Variants in NKAIN3 observed in about 807,000 individuals in gnomAD.
NKAIN3 encodes sodium/potassium-transporting ATPase subunit beta-1-interacting protein 3.
NKAIN3 carries 25 observed loss-of-function variants against 30.2 expected under a neutral mutation model. That is an observed-to-expected ratio of 0.83 (90% CI 0.60 to 1.16). The LOEUF (loss-of-function observed/expected upper bound fraction) is 1.16. Ranked by LOEUF, NKAIN3 falls within the 50% of genes most tolerant of loss-of-function variation. The pLI, the probability that NKAIN3 is intolerant of heterozygous loss-of-function variation, is 0.00. For missense variants in NKAIN3, 225 were observed against 254.1 expected (o/e 0.89, Z 0.78); for synonymous variants, 91 against 89.6 (o/e 1.02, Z -0.09).
chr8:62,323,671 C>T (rs1032178661), intron 1 of NKAIN3, among the ~76,000 whole-genome samples: 3 of 152,096 alleles, frequency 2.0e-5, no homozygotes, highest in Non-Finnish European at 4.4e-5. Flanking sequence ...TTTGTCAATG[C>T]TTGACACAAG....
chr8:62,846,258 T>C (rs1440209216), intron 4 of NKAIN3, among the ~76,000 whole-genome samples: 1 of 152,202 alleles, frequency 6.6e-6, no homozygotes, highest in African/African-American at 2.4e-5. Flanking sequence ...TTTTCAAAGT[T>C]AAAAGAAAGT....
chr8:62,568,227 T>G (rs566152173), intron 1 of NKAIN3, among the ~76,000 whole-genome samples: 1 of 152,302 alleles, frequency 6.6e-6, no homozygotes, highest in Non-Finnish European at 1.5e-5. Context: ...GCATTTTGAC[T>G]GCATGATTTC....
chr8:62,875,661 A>C (rs2130806845), intron 4 of NKAIN3, among the ~76,000 whole-genome samples: 1 of 152,272 alleles, frequency 6.6e-6, no homozygotes, highest in South Asian at 2.1e-4. Context: ...AGACCTCAGA[A>C]ATAACAACAC....
chr8:62,922,746 T>TA (rs1491328907), intron 5 of NKAIN3, among the ~76,000 whole-genome samples: 1,370 of 126,454 alleles, frequency 0.011, 26 homozygotes, highest in African/African-American at 0.054. Flanking sequence ...AGTGCATATA[T>TA]TTTTTTTTTT....
intron 1 of NKAIN3, 42 bp from the exon 2 acceptor site, chr8:62,579,497 T>A (rs1041155145): frequency 6.6e-7 from 1 of 1,522,168 alleles, no homozygotes; most frequent in Admixed American, 2.0e-5. Context: ...AGTATGATGA[T>A]GCTTGGATTC....
At chr8:62,714,876 C>T (rs1222481350) in intron 3 of NKAIN3, among the ~76,000 whole-genome samples, 1 of 152,160 alleles carries the variant, frequency 6.6e-6, no homozygotes, top group Non-Finnish European at 1.5e-5. Context: ...CACAAAATGC[C>T]TCCAACATTA....
At chr8:62,520,208 A>G (rs139932703) in intron 1 of NKAIN3, among the ~76,000 whole-genome samples, 2,600 of 152,184 alleles carry the variant, frequency 0.017, 67 homozygotes, top group African/African-American at 0.059. Context: ...GTGGTGCACT[A>G]TTTAAAATCC....
At chr8:62,409,248 A>C (rs181507857) in intron 1 of NKAIN3, among the ~76,000 whole-genome samples, 3 of 152,232 alleles carry the variant, frequency 2.0e-5, no homozygotes, top group African/African-American at 7.2e-5. Flanking sequence ...GCAGTGGAGC[A>C]ATCTCAGCTC....
At chr8:62,514,045 G>T (rs939920923) in intron 1 of NKAIN3, among the ~76,000 whole-genome samples, 5 of 152,048 alleles carry the variant, frequency 3.3e-5, no homozygotes, top group Admixed American at 1.3e-4. Context: ...AATGTGAAAT[G>T]TTAGGGCCTT....
chr8:62,590,808 C>CT (rs1810628284), intron 3 of NKAIN3, among the ~76,000 whole-genome samples: 1 of 151,720 alleles, frequency 6.6e-6, no homozygotes, highest in South Asian at 2.1e-4. Context: ...GGTGGTTACT[C>CT]TTTTTTCTCC....
At chr8:62,776,259 A>C (rs1817188645) in intron 4 of NKAIN3, among the ~76,000 whole-genome samples, 1 of 151,886 alleles carries the variant, frequency 6.6e-6, no homozygotes, top group Non-Finnish European at 1.5e-5. Context: ...TGTTTGGATA[A>C]TTTAGTCTAT....
intron 1 of NKAIN3, among the ~76,000 whole-genome samples, chr8:62,507,633 C>G (rs1007910923): frequency 5.3e-5 from 8 of 152,094 alleles, no homozygotes; most frequent in African/African-American, 1.7e-4. Context: ...CTTTCTCTCT[C>G]TCTTTGTAAA....
At chr8:62,321,742 G>T (rs186614629) in intron 1 of NKAIN3, among the ~76,000 whole-genome samples, 1 of 152,130 alleles carries the variant, frequency 6.6e-6, no homozygotes, top group East Asian at 1.9e-4. Flanking sequence ...TGCCCCTACT[G>T]GGGGGTGCCT....
intron 3 of NKAIN3, among the ~76,000 whole-genome samples, chr8:62,743,353 A>T (rs1265151446): frequency 2.6e-5 from 4 of 152,224 alleles, no homozygotes; most frequent in Admixed American, 6.5e-5. Flanking sequence ...AACTTTAGAT[A>T]AAATGTTACA....
At chr8:62,602,347 A>G (rs1439468866) in intron 3 of NKAIN3, among the ~76,000 whole-genome samples, 1 of 152,070 alleles carries the variant, frequency 6.6e-6, no homozygotes, top group Non-Finnish European at 1.5e-5. Context: ...TGCTCTTTGT[A>G]TTTTATCTTT....
chr8:62,420,819 A>C (rs905370845), intron 1 of NKAIN3, among the ~76,000 whole-genome samples: 1 of 152,314 alleles, frequency 6.6e-6, no homozygotes, highest in Middle Eastern at 3.4e-3. Context: ...TAGTTTAAAA[A>C]TTTTCAGAAA....
At chr8:62,598,423 G>A (rs1810897174) in intron 3 of NKAIN3, among the ~76,000 whole-genome samples, 1 of 152,034 alleles carries the variant, frequency 6.6e-6, no homozygotes, top group Non-Finnish European at 1.5e-5. Flanking sequence ...ACCCATAGAG[G>A]GAGGGTGGGG....
At chr8:62,311,153 A>C in intron 1 of NKAIN3, among the ~76,000 whole-genome samples, 1 of 150,756 alleles carries the variant, frequency 6.6e-6, no homozygotes, top group East Asian at 1.9e-4. Flanking sequence ...AAAAAACAAA[A>C]AAATGGAAAA....
At chr8:62,703,720 C>T (rs557904049) in intron 3 of NKAIN3, among the ~76,000 whole-genome samples, 46 of 152,282 alleles carry the variant, frequency 3.0e-4, no homozygotes, top group African/African-American at 1.1e-3. Context: ...ACAGGAAGTA[C>T]ATTTGTTGAG....
Sources: gnomAD v4.1 joint callset for allele counts (sites outside exome capture counted in the v4.1 genomes callset) on GRCh38, gnomAD v4.1.1 for gene constraint, MANE v1.5 for transcripts, NCBI Gene and HGNC (gene_info 2026-07-23, HGNC 2026-07-21) for gene names.